Variants in AGBL1 observed in about 807,000 individuals in gnomAD.
AGBL1 encodes cytosolic carboxypeptidase 4.
In AGBL1, 130 loss-of-function variants were observed where a neutral mutation model predicts 118.9. The ratio of observed to expected loss-of-function variants is 1.09; its 90% confidence interval spans 0.95 to 1.26. AGBL1 has a LOEUF of 1.26. Among genes scored for constraint, AGBL1 ranks in the 50% most tolerant of loss-of-function variants. AGBL1 has a pLI of 0.00. For synonymous variants in AGBL1, 555 were observed against 478.9 expected, an observed-to-expected ratio of 1.16 and a Z score of -2.08; for missense variants, 1,584 against 1,298.1, an observed-to-expected ratio of 1.22 and a Z score of -3.38.
Position 86,098,148 on chromosome 15 carries a change from C to T in AGBL1, c.51+18125C>T, listed in dbSNP as rs188327701. Among the ~76,000 whole-genome samples the T allele has an allele frequency of 3.6e-4, 54 of 152,096 alleles. No individual in the cohort carries two copies. In the East Asian group the frequency reaches 9.4e-3, roughly 27 times the overall value. ...GGAATGTTTATTCAAACCCTTTGCC[C>T]ACTTTGTAATAAAACTATTTATTTT... On this transcript the variant is annotated intron_variant, in intron 1 of 22. Coordinates refer to ENST00000614907, the MANE Select transcript of AGBL1 (RefSeq NM_001386094.1).
At chr15:86,788,372 A>G (rs111568038) in intron 22 of AGBL1, among the ~76,000 whole-genome samples, 102 of 152,364 alleles carry the variant, frequency 6.7e-4, no homozygotes, top group African/African-American at 2.3e-3. Flanking sequence ...TGAAGATGAC[A>G]CAGAACTTGA....
At chr15:86,194,763 G>C (rs2077774347) in intron 5 of AGBL1, among the ~76,000 whole-genome samples, 1 of 152,344 alleles carries the variant, frequency 6.6e-6, no homozygotes, top group African/African-American at 2.4e-5. Flanking sequence ...TCCAACAGGA[G>C]TGCCAGAGTC....
intron 22 of AGBL1, among the ~76,000 whole-genome samples, chr15:86,681,219 A>G (rs2085949572): frequency 6.6e-6 from 1 of 152,030 alleles, no homozygotes; most frequent in Non-Finnish European, 1.5e-5. Flanking sequence ...GTTTGCCCTC[A>G]CACATTCAAT....
Position 86,911,582 on chromosome 15 carries a change from C to T in AGBL1, c.*4288C>T, listed in dbSNP as rs1218159376. 3 of 152,152 alleles carry T rather than the reference C, an allele frequency of 2.0e-5. No individual in the cohort carries two copies. Among genetic ancestry groups the T allele is most frequent in the South Asian group, 2.1e-4 (1 of 4,826 alleles). The allele number at this position is 152,152 out of a possible 1,614,324, so 9.4% of individuals were successfully genotyped here. A position where few individuals can be genotyped will look rare whatever the true frequency, so the allele number is the denominator to read the frequency against. On this transcript the variant is annotated 3_prime_UTR_variant, in exon 23 of 23. Coordinates refer to ENST00000614907, the MANE Select transcript of AGBL1 (RefSeq NM_001386094.1). Reference sequence around the variant, plus strand: ...AGAACATACCCTCTTTCTCTCTCATCGCACTTATGCTTGTGAGTGTCTACA... The same window carrying T: ...AGAACATACCCTCTTTCTCTCTCATTGCACTTATGCTTGTGAGTGTCTACA...
chr15:86,726,449 T>A (rs1031749128), intron 22 of AGBL1, among the ~76,000 whole-genome samples: 1 of 152,188 alleles, frequency 6.6e-6, no homozygotes, highest in Non-Finnish European at 1.5e-5. Flanking sequence ...GGTTTCTCCA[T>A]CTATATAAAG....
chr15:86,640,533 C>A (rs1328260503), intron 21 of AGBL1, among the ~76,000 whole-genome samples: 1 of 152,044 alleles, frequency 6.6e-6, no homozygotes, highest in Non-Finnish European at 1.5e-5. Flanking sequence ...GTCTCATGAG[C>A]AATTTCCTAT....
At chr15:86,231,682 G>A (rs183341038) in intron 6 of AGBL1, among the ~76,000 whole-genome samples, 38 of 152,300 alleles carry the variant, frequency 2.5e-4, no homozygotes, top group African/African-American at 8.9e-4. Flanking sequence ...TTTTACAGAT[G>A]TAGGAACTGA....
intron 1 of AGBL1, among the ~76,000 whole-genome samples, chr15:86,141,569 TG>T (rs1166929171): frequency 1.3e-5 from 2 of 152,162 alleles, no homozygotes; most frequent in African/African-American, 4.8e-5. Flanking sequence ...AAGAACTGCT[TG>T]AACCCGGGAG....
Position 86,870,089 on chromosome 15 carries a change from C to A in AGBL1, c.3159-36998C>A, listed in dbSNP as rs765340850. 5.9e-4 allele frequency among the ~76,000 whole-genome samples: 90 copies of A among 152,248 alleles called. No individual in the cohort carries two copies. The Middle Eastern group carries it at 0.01, about 17-fold the overall frequency. On this transcript the variant is annotated intron_variant, in intron 22 of 22. Transcript: ENST00000614907. Reference sequence around the variant, plus strand: ...GGGCCTTTCAGACCCCCTATTCTAACACACAGATAACCTTGATTAGAAGAG... The same window carrying A: ...GGGCCTTTCAGACCCCCTATTCTAAAACACAGATAACCTTGATTAGAAGAG...
chr15:86,174,989 G>A (rs79126082), intron 5 of AGBL1, among the ~76,000 whole-genome samples: 6 of 152,028 alleles, frequency 3.9e-5, no homozygotes, highest in Admixed American at 1.3e-4. Context: ...TCCTTGTTTC[G>A]TTTCAGTATT....
intron 22 of AGBL1, among the ~76,000 whole-genome samples, chr15:86,793,000 T>A (rs1340180564): frequency 6.6e-6 from 1 of 152,118 alleles, no homozygotes; most frequent in African/African-American, 2.4e-5. Context: ...TTAAAAAAAT[T>A]AGACCATAGT....
At position 86,137,693 on chromosome 15, in the gene AGBL1, C is replaced by G. The variant is rs368579890; in HGVS notation, c.52-4311C>G. Among the ~76,000 whole-genome samples, 8 of 152,270 alleles carry G rather than the reference C, an allele frequency of 5.3e-5. No individual in the cohort carries two copies. The East Asian group carries it at 5.8e-4, about 11-fold the overall frequency. ...TTCTGATCTGGGTTCATATCCTCCT[C>G]TAAACCAACCACAGGAAAGAGAAAA... is the stretch of plus-strand genomic sequence containing the variant. On this transcript the variant is annotated intron_variant, in intron 1 of 22. Coordinates refer to ENST00000614907, the MANE Select transcript of AGBL1 (RefSeq NM_001386094.1).
chr15:86,686,151 G>A (rs2086051442), intron 22 of AGBL1, among the ~76,000 whole-genome samples: 1 of 152,152 alleles, frequency 6.6e-6, no homozygotes, highest in Non-Finnish European at 1.5e-5. Flanking sequence ...GACATGCAAT[G>A]ATTTTTTAGG....
intron 22 of AGBL1, among the ~76,000 whole-genome samples, chr15:86,680,802 A>G (rs1450106704): frequency 6.6e-6 from 1 of 151,738 alleles, no homozygotes. Context: ...CCTGACCTCA[A>G]GTGATCCACC....
chr15:86,114,068 T>C (rs902038735), intron 1 of AGBL1, among the ~76,000 whole-genome samples: 6 of 152,264 alleles, frequency 3.9e-5, no homozygotes, highest in African/African-American at 1.4e-4. Flanking sequence ...AAAGACTATA[T>C]TTGTTAATAA....
At chr15:86,977,440 C>G (rs1467573801) in intron 23 of AGBL1, among the ~76,000 whole-genome samples, 2 of 149,996 alleles carry the variant, frequency 1.3e-5, no homozygotes. Context: ...ATAAAAAGAA[C>G]TCATCAAATA....
At chr15:86,110,507 G>A (rs1369700309) in intron 1 of AGBL1, among the ~76,000 whole-genome samples, 1 of 152,000 alleles carries the variant, frequency 6.6e-6, no homozygotes, top group African/African-American at 2.4e-5. Context: ...TGAGTAGGTC[G>A]AGAAGGAGAA....
intron 22 of AGBL1, among the ~76,000 whole-genome samples, chr15:86,678,830 T>C (rs916655566): frequency 6.6e-6 from 1 of 152,120 alleles, no homozygotes; most frequent in Non-Finnish European, 1.5e-5. Context: ...TACTATTGAA[T>C]CATTTTGTAT....
intron 1 of AGBL1, among the ~76,000 whole-genome samples, chr15:86,098,027 T>C (rs1398781093): frequency 6.6e-6 from 1 of 152,148 alleles, no homozygotes; most frequent in Non-Finnish European, 1.5e-5. Context: ...GGGTAAGATA[T>C]TATCTCAGTG....
Sources: allele counts gnomAD v4.1 joint callset (sites outside exome capture counted in the v4.1 genomes callset), GRCh38; gene constraint gnomAD v4.1.1; transcripts MANE v1.5; gene names NCBI Gene and HGNC (gene_info 2026-07-23, HGNC 2026-07-21).